Variants in ULK4 observed in about 807,000 individuals in gnomAD.
The protein encoded by ULK4 is inactive serine/threonine-protein kinase ULK4.
In ULK4, 133 loss-of-function variants were observed where a neutral mutation model predicts 160.6. The ratio of observed to expected loss-of-function variants is 0.83; its 90% confidence interval spans 0.72 to 0.96. The LOEUF (loss-of-function observed/expected upper bound fraction) is 0.96, where lower values mean the gene tolerates loss of function less well. ULK4 is among the 40% of genes least tolerant of loss of function. The pLI is 0.00. For missense variants in ULK4, 1,580 were observed against 1,499.5 expected (o/e 1.05, Z -0.89); for synonymous variants, 534 against 539.8 (o/e 0.99, Z 0.15).
At chr3:41,579,482 AAT>A in intron 31 of ULK4, among the ~76,000 whole-genome samples, 1 of 129,130 alleles carries the variant, frequency 7.7e-6, no homozygotes, top group South Asian at 2.5e-4. Context: ...ATCTGGAACT[AAT>A]ATTTTTTTTT....
chr3:41,711,045 T>C (rs551212334), intron 25 of ULK4, among the ~76,000 whole-genome samples: 12 of 152,166 alleles, frequency 7.9e-5, no homozygotes, highest in African/African-American at 2.6e-4. Context: ...AGCAGGCAGC[T>C]GATGGGAAGA....
intron 31 of ULK4, among the ~76,000 whole-genome samples, chr3:41,609,921 C>T (rs941127425): frequency 6.6e-5 from 10 of 151,736 alleles, no homozygotes; most frequent in African/African-American, 2.4e-4. Flanking sequence ...CTGCAATAAG[C>T]TATCATCGTG....
intron 17 of ULK4, among the ~76,000 whole-genome samples, chr3:41,850,737 A>T (rs2042190616): frequency 6.6e-6 from 1 of 151,952 alleles, no homozygotes; most frequent in South Asian, 2.1e-4. Flanking sequence ...GGTTGCAAAA[A>T]TTTTCTCCCA....
At chr3:41,820,513 A>T (rs1469527073) in intron 18 of ULK4, among the ~76,000 whole-genome samples, 1 of 152,190 alleles carries the variant, frequency 6.6e-6, no homozygotes, top group Non-Finnish European at 1.5e-5. Context: ...CATTATCCTA[A>T]GCAAATTGAA....
intron 17 of ULK4, among the ~76,000 whole-genome samples, chr3:41,852,693 T>C (rs2042245881): frequency 6.6e-6 from 1 of 152,032 alleles, no homozygotes; most frequent in Non-Finnish European, 1.5e-5. Flanking sequence ...ATCAGAATAC[T>C]TTAACCCCAG....
At chr3:41,728,329 T>G (rs1649433279) in intron 22 of ULK4, among the ~76,000 whole-genome samples, 1 of 152,170 alleles carries the variant, frequency 6.6e-6, no homozygotes, top group Non-Finnish European at 1.5e-5. Context: ...GATCACAGGT[T>G]GCTTCCACTT....
chr3:41,626,260 T>C (rs1359475244), intron 30 of ULK4, among the ~76,000 whole-genome samples: 1 of 152,176 alleles, frequency 6.6e-6, no homozygotes, highest in African/African-American at 2.4e-5. Context: ...TTACCCTTAA[T>C]GTTGGAAAAA....
At chr3:41,452,883 T>C (rs904512600) in intron 34 of ULK4, among the ~76,000 whole-genome samples, 6 of 152,058 alleles carry the variant, frequency 3.9e-5, no homozygotes, top group Non-Finnish European at 8.8e-5. Flanking sequence ...AATCAAAACA[T>C]TGTATTTCAG....
chr3:41,631,305 A>G (rs1057469245), intron 30 of ULK4, among the ~76,000 whole-genome samples: 11 of 152,228 alleles, frequency 7.2e-5, no homozygotes, highest in African/African-American at 2.7e-4. Context: ...ACAAAGATCT[A>G]CAGCGTCCTC....
rs1476784751 is a variant in ULK4, at chr3:41,898,493, C to G, written c.1288-1G>C. On this transcript the variant is annotated splice_acceptor_variant, in intron 13 of 36. Coordinates refer to ENST00000301831, the MANE Select transcript of ULK4 (RefSeq NM_017886.4). LOFTEE classifies it high-confidence loss of function. Reference sequence around the variant, plus strand: ...ATTTAACTGGTGGCTGTTTCATTATCTGTGGTTTAAAAAAAAAGAAAGCTT... The same window carrying G: ...ATTTAACTGGTGGCTGTTTCATTATGTGTGGTTTAAAAAAAAAGAAAGCTT... The G allele has an allele frequency of 6.3e-7, 1 of 1,578,488 alleles. No individual in the cohort carries two copies. Among genetic ancestry groups the G allele is most frequent in the South Asian group, 1.2e-5 (1 of 86,232 alleles).
At chr3:41,470,625 A>C (rs945749676) in intron 32 of ULK4, among the ~76,000 whole-genome samples, 1 of 152,206 alleles carries the variant, frequency 6.6e-6, no homozygotes, top group African/African-American at 2.4e-5. Flanking sequence ...GAGGGTTCCA[A>C]GGAAAAAACT....
At chr3:41,627,027 T>A (rs1468219079) in intron 30 of ULK4, among the ~76,000 whole-genome samples, 1 of 152,222 alleles carries the variant, frequency 6.6e-6, no homozygotes, top group Non-Finnish European at 1.5e-5. Context: ...TAACTTCATT[T>A]ATATTCAGAG....
chr3:41,841,796 A>C (rs914780542), intron 17 of ULK4, among the ~76,000 whole-genome samples: 1 of 152,250 alleles, frequency 6.6e-6, no homozygotes, highest in Non-Finnish European at 1.5e-5. Flanking sequence ...TGTACTAAGA[A>C]AAATTCTTCT....
intron 35 of ULK4, among the ~76,000 whole-genome samples, chr3:41,288,993 C>T (rs567068662): frequency 9.9e-5 from 15 of 152,160 alleles, no homozygotes; most frequent in Admixed American, 5.2e-4. Context: ...CTCCACAGCT[C>T]GGAGCACACA....
chr3:41,948,469 T>C lies in ULK4; in HGVS notation c.138+6153A>G, dbSNP rs559263646. Among the ~76,000 whole-genome samples, 17 of 151,984 alleles carry C rather than the reference T, an allele frequency of 1.1e-4. No homozygotes were observed. In the East Asian group the frequency reaches 3.1e-3, roughly 28 times the overall value. ...TCTGTCTCAAAAAAAAGAAAGAGTGTTTATTAAGTGTCAGGCACTATGCTA... is the reference window on the plus strand; with the variant it reads ...TCTGTCTCAAAAAAAAGAAAGAGTGCTTATTAAGTGTCAGGCACTATGCTA... On this transcript the variant is annotated intron_variant, in intron 2 of 36. Coordinates refer to ENST00000301831, the MANE Select transcript of ULK4 (RefSeq NM_017886.4).
intron 35 of ULK4, among the ~76,000 whole-genome samples, chr3:41,276,916 A>C (rs1000952187): frequency 7.2e-5 from 11 of 152,238 alleles, no homozygotes; most frequent in African/African-American, 2.7e-4. Flanking sequence ...AACCTCACTA[A>C]GAAACAAAAC....
intron 35 of ULK4, among the ~76,000 whole-genome samples, chr3:41,370,733 C>T (rs941138398): frequency 6.6e-6 from 1 of 152,132 alleles, no homozygotes; most frequent in Non-Finnish European, 1.5e-5. Context: ...ACTGGGTGGC[C>T]AAGCTAGCTG....
At chr3:41,666,320 G>A (rs900138899) in intron 29 of ULK4, among the ~76,000 whole-genome samples, 7 of 152,150 alleles carry the variant, frequency 4.6e-5, no homozygotes, top group East Asian at 3.8e-4. Context: ...TCATGTATTC[G>A]AAGGCACTCT....
chr3:41,435,829 C>T (rs1231797970), intron 34 of ULK4, among the ~76,000 whole-genome samples: 3 of 152,068 alleles, frequency 2.0e-5, no homozygotes, highest in African/African-American at 7.2e-5. Context: ...TGCCTGTAAT[C>T]CCAACTACTC....
Sources: allele counts gnomAD v4.1 joint callset (sites outside exome capture counted in the v4.1 genomes callset), GRCh38; gene constraint gnomAD v4.1.1; transcripts MANE v1.5; gene names NCBI Gene and HGNC (gene_info 2026-07-23, HGNC 2026-07-21).